Variants in RGS6 observed in about 807,000 individuals in gnomAD.
The protein encoded by RGS6 is regulator of G-protein signaling 6.
A neutral mutation model predicts 78.5 loss-of-function variants in RGS6; 30 were observed. That is an observed-to-expected ratio of 0.38 (90% CI 0.29 to 0.52). The LOEUF is 0.52. RGS6 is among the 20% of genes least tolerant of loss of function. The probability of loss-of-function intolerance (pLI) is 0.85; values close to 1 mark genes in which losing one functional copy is unlikely to be tolerated. For synonymous variants in RGS6, 206 were observed against 206.0 expected, an observed-to-expected ratio of 1.00 and a Z score of 0.00; for missense variants, 495 against 609.7, an observed-to-expected ratio of 0.81 and a Z score of 1.98.
At chr14:72,197,938 T>G (rs939134961) in intron 2 of RGS6, among the ~76,000 whole-genome samples, 2 of 152,018 alleles carry the variant, frequency 1.3e-5, no homozygotes, top group Middle Eastern at 3.4e-3. Context: ...TTAATATAGA[T>G]AATATTTTAT....
At chr14:72,370,860 C>A (rs1223494777) in intron 3 of RGS6, among the ~76,000 whole-genome samples, 1 of 152,044 alleles carries the variant, frequency 6.6e-6, no homozygotes, top group African/African-American at 2.4e-5. Flanking sequence ...TTTTGTTTTA[C>A]AAAAAGTAAT....
At chr14:71,913,687 A>G in the RGS6 span, among the ~76,000 whole-genome samples, 4 of 152,256 alleles carry the variant, frequency 2.6e-5, no homozygotes, top group African/African-American at 4.8e-5. Flanking sequence ...TTTATTGCTG[A>G]CAAAAGGAGA....
intron 2 of RGS6, among the ~76,000 whole-genome samples, chr14:72,341,242 A>G (rs1249229924): frequency 6.6e-6 from 1 of 152,180 alleles, no homozygotes; most frequent in African/African-American, 2.4e-5. Context: ...ATATCTGCAG[A>G]AGGAGGAAAA....
At chr14:72,117,783 G>T (rs1403870009) in intron 2 of RGS6, among the ~76,000 whole-genome samples, 2 of 152,164 alleles carry the variant, frequency 1.3e-5, no homozygotes, top group African/African-American at 2.4e-5. Context: ...AAAGGACCAC[G>T]CTGGCTACTA....
chr14:72,618,324 T>G, the RGS6 span, among the ~76,000 whole-genome samples: 9 of 152,344 alleles, frequency 5.9e-5, no homozygotes, highest in South Asian at 1.9e-3. Flanking sequence ...TGAAGGTTTC[T>G]CAAAGCTGCA....
chr14:72,188,884 G>A (rs1173483554), intron 2 of RGS6, among the ~76,000 whole-genome samples: 2 of 152,152 alleles, frequency 1.3e-5, no homozygotes, highest in Non-Finnish European at 2.9e-5. Context: ...AACTCTCACA[G>A]AGCAGAGAAA....
the RGS6 span, among the ~76,000 whole-genome samples, chr14:71,888,259 A>G: frequency 6.6e-6 from 1 of 151,960 alleles, no homozygotes; most frequent in Admixed American, 6.6e-5. Context: ...AAAACAAAAC[A>G]AACAAACAAA....
intron 5 of RGS6, 81 bp downstream of exon 5, chr14:72,458,458 CTAGGGATATCTGAGGGAG>C: frequency 9.0e-7 from 1 of 1,112,706 alleles, no homozygotes; most frequent in Non-Finnish European, 1.3e-6. Flanking sequence ...CAAAGAAAAC[CTAGGGATATCTGAGGGAG>C]TAGCCCTCAC....
chr14:72,192,647 C>T (rs2097341725), intron 2 of RGS6, among the ~76,000 whole-genome samples: 2 of 152,228 alleles, frequency 1.3e-5, no homozygotes, highest in Admixed American at 1.3e-4. Context: ...ATTTGCACGT[C>T]TCTGCTCTTA....
chr14:71,897,223 G>A, the RGS6 span, among the ~76,000 whole-genome samples: 181 of 152,356 alleles, frequency 1.2e-3, 1 homozygote, highest in Non-Finnish European at 1.9e-3. Context: ...TGCCAGCAAG[G>A]CAGCATTGGT....
At chr14:72,024,257 C>T (rs1429101715) in intron 2 of RGS6, among the ~76,000 whole-genome samples, 3 of 152,198 alleles carry the variant, frequency 2.0e-5, no homozygotes, top group Non-Finnish European at 4.4e-5. Context: ...GACTCAGAAC[C>T]TTGCCCCTGT....
At chr14:72,471,767 C>T (rs1202952819) in intron 8 of RGS6, among the ~76,000 whole-genome samples, 11 of 152,154 alleles carry the variant, frequency 7.2e-5, no homozygotes, top group East Asian at 3.9e-4. Flanking sequence ...TGGGTGCCCC[C>T]GAAGAGGTGC....
intron 2 of RGS6, among the ~76,000 whole-genome samples, chr14:72,346,126 A>G (rs2077991326): frequency 6.6e-6 from 1 of 152,214 alleles, no homozygotes; most frequent in Non-Finnish European, 1.5e-5. Context: ...GTGCTTCAGT[A>G]AAAAGAACCT....
chr14:72,591,383 AT>A, the RGS6 span, among the ~76,000 whole-genome samples: 1 of 152,186 alleles, frequency 6.6e-6, no homozygotes. Flanking sequence ...ATTATGGCTG[AT>A]TTTTTTCATC....
chr14:72,095,568 TTGGC>T (rs2095384631), intron 2 of RGS6, among the ~76,000 whole-genome samples: 1 of 152,220 alleles, frequency 6.6e-6, no homozygotes, highest in Admixed American at 6.5e-5. Flanking sequence ...CAGTGTCACG[TTGGC>T]TGCACCTGTT....
At chr14:72,006,358 C>G (rs1402307225) in intron 2 of RGS6, among the ~76,000 whole-genome samples, 1 of 152,208 alleles carries the variant, frequency 6.6e-6, no homozygotes. Context: ...TCCTCATATT[C>G]AAGCCCCTGA....
At chr14:72,526,339 T>C (rs1367694613) in intron 15 of RGS6, among the ~76,000 whole-genome samples, 2 of 152,098 alleles carry the variant, frequency 1.3e-5, no homozygotes, top group Non-Finnish European at 2.9e-5. Context: ...TCTCCTGACC[T>C]CATGATCTGC....
chr14:72,307,387 T>G (rs1360026417), intron 2 of RGS6, among the ~76,000 whole-genome samples: 1 of 152,162 alleles, frequency 6.6e-6, no homozygotes, highest in East Asian at 1.9e-4. Flanking sequence ...TTAAAAAAAA[T>G]TCTCCTGATG....
At chr14:72,220,497 G>A (rs1273432983) in intron 2 of RGS6, among the ~76,000 whole-genome samples, 2 of 152,174 alleles carry the variant, frequency 1.3e-5, no homozygotes, top group Non-Finnish European at 2.9e-5. Flanking sequence ...ACATAGTTGA[G>A]TTTGAAGGCA....
Sources: gnomAD v4.1 joint callset for allele counts (sites outside exome capture counted in the v4.1 genomes callset) on GRCh38, gnomAD v4.1.1 for gene constraint, MANE v1.5 for transcripts, NCBI Gene and HGNC (gene_info 2026-07-23, HGNC 2026-07-21) for gene names.